The following ANKS1A variants were observed in gnomAD, a reference collection of about 807,000 sequenced individuals.
The protein encoded by ANKS1A is ankyrin repeat and sterile alpha motif domain containing 1A, also known as ankyrin repeat and SAM domain-containing protein 1A.
In ANKS1A, 55 loss-of-function variants were observed where a neutral mutation model predicts 120.3. The observed-to-expected ratio is 0.46, with a 90% confidence interval of 0.37 to 0.57. The LOEUF is 0.57. Ranked by LOEUF, ANKS1A falls within the 20% of genes least tolerant of loss-of-function variation. The pLI is 0.00. For missense variants in ANKS1A, 1,123 were observed against 1,480.3 expected (o/e 0.76, Z 3.96); for synonymous variants, 590 against 604.7 (o/e 0.98, Z 0.36).
chr6:34,979,718 A>AC (rs1372789010), intron 3 of ANKS1A, among the ~76,000 whole-genome samples: 1 of 152,122 alleles, frequency 6.6e-6, no homozygotes, highest in African/African-American at 2.4e-5. Context: ...TATAAAAGAG[A>AC]CAGTAGTATT....
chr6:35,077,296 T>C (rs979582153), intron 13 of ANKS1A, among the ~76,000 whole-genome samples: 1 of 152,212 alleles, frequency 6.6e-6, no homozygotes, highest in Non-Finnish European at 1.5e-5. Context: ...GGAGCAAATG[T>C]CCTTCAACAG....
At chr6:35,068,714 C>G (rs1037609324) in intron 13 of ANKS1A, among the ~76,000 whole-genome samples, 1 of 152,150 alleles carries the variant, frequency 6.6e-6, no homozygotes, top group African/African-American at 2.4e-5. Flanking sequence ...GGAGAAGCAC[C>G]TTGTAAGTCC....
intron 11 of ANKS1A, among the ~76,000 whole-genome samples, chr6:35,024,776 G>C (rs990231586): frequency 3.3e-5 from 5 of 152,226 alleles, no homozygotes; most frequent in African/African-American, 1.2e-4. Context: ...CAAGAGACAA[G>C]CTGATTGGTT....
intron 1 of ANKS1A, among the ~76,000 whole-genome samples, chr6:34,923,986 C>CA (rs1239949097): frequency 3.9e-5 from 6 of 151,966 alleles, no homozygotes; most frequent in African/African-American, 1.2e-4. Context: ...GAGGAGGTTG[C>CA]AAAAAAATTA....
intron 3 of ANKS1A, among the ~76,000 whole-genome samples, chr6:34,971,090 T>C (rs1771161476): frequency 6.6e-6 from 1 of 152,228 alleles, no homozygotes; most frequent in African/African-American, 2.4e-5. Flanking sequence ...TAAACCATGC[T>C]CTTGTTTTAC....
chr6:35,008,110 A>G (rs1346898266), intron 10 of ANKS1A, among the ~76,000 whole-genome samples: 1 of 152,234 alleles, frequency 6.6e-6, no homozygotes, highest in Non-Finnish European at 1.5e-5. Flanking sequence ...CTAGATTTTC[A>G]AAATAAATAC....
intron 12 of ANKS1A, among the ~76,000 whole-genome samples, chr6:35,059,869 T>TCCAGG (rs1452274008): frequency 5.9e-5 from 9 of 152,186 alleles, no homozygotes; most frequent in Non-Finnish European, 1.2e-4. Flanking sequence ...ATCATGCATG[T>TCCAGG]GCAGCCGTGG....
At chr6:34,938,535 C>G (rs1041487323) in intron 1 of ANKS1A, among the ~76,000 whole-genome samples, 1 of 152,256 alleles carries the variant, frequency 6.6e-6, no homozygotes, top group African/African-American at 2.4e-5. Context: ...CACACTCATT[C>G]TTCCATCCCT....
In ANKS1A at chr6:35,079,911, A is replaced by C. The variant is rs879483809; in HGVS notation, c.2527A>C (p.Arg843=). 12 of 1,557,698 alleles carry C rather than the reference A, an allele frequency of 7.7e-6. No homozygotes were observed. In the Admixed American group the frequency reaches 9.7e-5, roughly 13 times the overall value. Residue 843 remains arginine, a synonymous_variant, in exon 16 of 24, where the codon AGA becomes CGA. Coordinates refer to ENST00000360359, the MANE Select transcript of ANKS1A (RefSeq NM_015245.3). The part of the protein sequence containing the change: ...PYEEPPQKPP[R]FSQLRCQDLL... ...CGAGGAGCCGCCCCAGAAGCCCCCC[A>C]GATTCTCCCAGCTGAGGGTGAGTCG...
intron 11 of ANKS1A, among the ~76,000 whole-genome samples, chr6:35,040,412 C>T (rs1775397990): frequency 6.6e-6 from 1 of 152,220 alleles, no homozygotes; most frequent in Non-Finnish European, 1.5e-5. Flanking sequence ...GTGGTGAGAG[C>T]CCAAGGGCCA....
At chr6:34,975,766 A>G (rs1246849255) in intron 3 of ANKS1A, among the ~76,000 whole-genome samples, 1 of 151,934 alleles carries the variant, frequency 6.6e-6, no homozygotes, top group East Asian at 1.9e-4. Flanking sequence ...AAAAAAAATA[A>G]TAATAATAAT....
At chr6:34,981,638 G>A (rs1479591001) in intron 3 of ANKS1A, 52 bp from the exon 4 acceptor site, 2 of 1,578,772 alleles carry the variant, frequency 1.3e-6, no homozygotes, top group Non-Finnish European at 1.7e-6. Flanking sequence ...TCCCAGTCAG[G>A]TGCCTGTCTG....
intron 11 of ANKS1A, among the ~76,000 whole-genome samples, chr6:35,035,595 T>G (rs1223546166): frequency 1.3e-5 from 2 of 152,164 alleles, no homozygotes; most frequent in Non-Finnish European, 2.9e-5. Flanking sequence ...CACCCTCATG[T>G]CACATTGACA....
In ANKS1A at chr6:34,897,930, G is replaced by A. The variant is rs572979168; in HGVS notation, c.197+8331G>A. ...ACATACTATGGTGGCTAAGGATCAGGTTCTGACCCAACTCTGCCTTGTGAC... is the reference window on the plus strand; with the variant it reads ...ACATACTATGGTGGCTAAGGATCAGATTCTGACCCAACTCTGCCTTGTGAC... On this transcript the variant is annotated intron_variant, in intron 1 of 23. Coordinates refer to ENST00000360359, the MANE Select transcript of ANKS1A (RefSeq NM_015245.3). Among the ~76,000 whole-genome samples, 4 of 152,276 alleles carry A rather than the reference G, an allele frequency of 2.6e-5. No individual in the cohort carries two copies. The South Asian group carries it at 8.3e-4, about 32-fold the overall frequency.
intron 13 of ANKS1A, among the ~76,000 whole-genome samples, chr6:35,070,062 A>G (rs1093985): frequency 0.36 from 53,601 of 148,502 alleles, 10,052 homozygotes; most frequent in East Asian, 0.61. Context: ...GTGTCTCACA[A>G]TGTTGCTCAG....
At chr6:35,014,232 C>T (rs962297818) in intron 10 of ANKS1A, among the ~76,000 whole-genome samples, 10 of 152,202 alleles carry the variant, frequency 6.6e-5, no homozygotes, top group Admixed American at 3.3e-4. Flanking sequence ...GGAACAAGAA[C>T]ACCAGCCTTA....
chr6:35,081,252 G>GCCC lies in ANKS1A; in HGVS notation c.2709+95_2709+96insCCC, dbSNP rs879336940. 1,685 of 1,421,168 alleles carry GCCC rather than the reference G, an allele frequency of 1.2e-3. 2 individuals are homozygous for GCCC. Among genetic ancestry groups the GCCC allele is most frequent in the Non-Finnish European group, 1.4e-3 (1,545 of 1,077,798 alleles). The allele number at this position is 1,421,168 out of a possible 1,614,324, so 88.0% of individuals were successfully genotyped here. A position where few individuals can be genotyped will look rare whatever the true frequency, so the allele number is the denominator to read the frequency against. On this transcript the variant is annotated intron_variant, in intron 17 of 23. Coordinates refer to ENST00000360359, the MANE Select transcript of ANKS1A (RefSeq NM_015245.3). ...GAACCACCTGCTGCCCCATACTTGA[G>GCCC]CACAGTTGGGCTGGCACCAGAGTCA...
chr6:34,916,889 A>G (rs2127461976), intron 1 of ANKS1A, among the ~76,000 whole-genome samples: 1 of 152,326 alleles, frequency 6.6e-6, no homozygotes, highest in Admixed American at 6.5e-5. Flanking sequence ...GCCTGCTGTG[A>G]ACAGACACCG....
In ANKS1A at chr6:35,082,639, C is replaced by T; in HGVS notation, c.2710-52C>T. 1 of 1,555,122 alleles carries T rather than the reference C, an allele frequency of 6.4e-7. No homozygotes were observed. Among genetic ancestry groups the T allele is most frequent in the East Asian group, 2.3e-5 (1 of 43,322 alleles). ...GTGTGCTGGAGCCAGGCAGCAAGCC[C>T]ATGTGCTCCTCTGGAGCAAGGAGCA... On this transcript the variant is annotated intron_variant, in intron 17 of 23. Coordinates refer to ENST00000360359, the MANE Select transcript of ANKS1A (RefSeq NM_015245.3). This position sits in a 1 kb window ranked among gnomAD's most constrained non-coding sequence, Gnocchi z 4.1.
Sources: allele counts gnomAD v4.1 joint callset (sites outside exome capture counted in the v4.1 genomes callset), GRCh38; gene constraint gnomAD v4.1.1; non-coding constraint Gnocchi (gnomAD v3.1); transcripts MANE v1.5; gene names NCBI Gene and HGNC (gene_info 2026-07-23, HGNC 2026-07-21).